VAV1: variants seen among roughly 807,000 people sequenced by gnomAD.
The protein encoded by VAV1 is vav guanine nucleotide exchange factor 1.
Under a neutral mutation model 128.1 loss-of-function variants are expected in VAV1, and 33 were observed. The ratio of observed to expected loss-of-function variants is 0.26; its 90% CI spans 0.20 to 0.34. The LOEUF is 0.34. Among genes scored for constraint, VAV1 ranks in the 10% least tolerant of loss-of-function variants. The pLI, the probability that VAV1 is intolerant of heterozygous loss-of-function variation, is 1.00. For synonymous variants in VAV1, 394 were observed against 409.8 expected (o/e 0.96, Z 0.47); for missense variants, 715 against 1,093.7 (o/e 0.65, Z 4.88).
intron 14 of VAV1, 49 bp downstream of exon 14, chr19:6,829,967 T>G (rs1335819561): frequency 6.2e-7 from 1 of 1,611,452 alleles, no homozygotes; most frequent in Admixed American, 1.7e-5. Context: ...AGTCGGCAGC[T>G]TAGCCCTCTC....
At position 6,830,450 on chromosome 19, in the gene VAV1, G is replaced by C. The variant is rs568884770; in HGVS notation, c.1398+532G>C. Among the ~76,000 whole-genome samples, 139 of 152,048 alleles carry C rather than the reference G, an allele frequency of 9.1e-4. 1 individual carries two copies. Among genetic ancestry groups the C allele is most frequent in the Non-Finnish European group, 1.6e-3 (107 of 67,982 alleles). Reference sequence around the variant, plus strand: ...GAATTTTCATTTTGTTTGTTTGTTGGTTTGTTTTTGAGACAGTCTCACTCT... The same window carrying C: ...GAATTTTCATTTTGTTTGTTTGTTGCTTTGTTTTTGAGACAGTCTCACTCT... On this transcript the variant is annotated intron_variant, in intron 14 of 26. Coordinates refer to ENST00000602142, the MANE Select transcript of VAV1 (RefSeq NM_005428.4).
chr19:6,845,584 G>A (rs1283952579), intron 22 of VAV1, among the ~76,000 whole-genome samples: 6 of 150,714 alleles, frequency 4.0e-5, no homozygotes, highest in Middle Eastern at 3.7e-3. Flanking sequence ...CATTTATATT[G>A]TGTATTTATG....
chr19:6,853,914 G>C (rs761213303), intron 25 of VAV1, 33 bp from the exon 26 acceptor site: 20 of 1,599,556 alleles, frequency 1.3e-5, no homozygotes, highest in Middle Eastern at 1.7e-4. Context: ...ATCTGCCCCA[G>C]ACCCTTTTCT....
In VAV1 at chr19:6,833,519, G is replaced by A. The variant is rs1350434452; in HGVS notation, c.1611-9G>A. On this transcript the variant is annotated splice_polypyrimidine_tract_variant and intron_variant, in intron 16 of 26. Coordinates refer to ENST00000602142, the MANE Select transcript of VAV1 (RefSeq NM_005428.4). The stretch of plus-strand genomic sequence containing the variant: ...ACTCGCTCTTCTTTATGTGTTCCCT[G>A]CATCTCAGAGGTACCTTCTATCAGG... 1.9e-6 allele frequency: 3 copies of A among 1,590,574 alleles called. No homozygotes were observed. The Admixed American group carries it at 5.3e-5, about 28-fold the overall frequency.
intron 1 of VAV1, among the ~76,000 whole-genome samples, chr19:6,796,092 C>T (rs1416887588): frequency 6.6e-6 from 1 of 152,124 alleles, no homozygotes; most frequent in African/African-American, 2.4e-5. Flanking sequence ...AGAGATATAC[C>T]CTGGTGATCT....
chr19:6,784,637 G>A (rs1229616754), intron 1 of VAV1, among the ~76,000 whole-genome samples: 1 of 152,002 alleles, frequency 6.6e-6, no homozygotes, highest in African/African-American at 2.4e-5. Flanking sequence ...GGGATTACAG[G>A]CAAGTGCCAC....
Position 6,809,003 on chromosome 19 carries a change from C to T in VAV1, c.205-11699C>T, listed in dbSNP as rs537561929. On this transcript the variant is annotated intron_variant, in intron 1 of 26. Coordinates refer to ENST00000602142, the MANE Select transcript of VAV1 (RefSeq NM_005428.4). Reference sequence around the variant, plus strand: ...TCCAAGAAAGCAACAGGAGAAGTTGCAAAGCCTCTATGGGCTAAAGCGAGC... The same window carrying T: ...TCCAAGAAAGCAACAGGAGAAGTTGTAAAGCCTCTATGGGCTAAAGCGAGC... 2.4e-4 allele frequency among the ~76,000 whole-genome samples: 36 copies of T among 151,774 alleles called. 1 individual carries two copies. The South Asian group carries it at 7.1e-3, about 30-fold the overall frequency.
intron 1 of VAV1, among the ~76,000 whole-genome samples, chr19:6,808,181 A>G (rs144416555): frequency 0.014 from 2,133 of 151,746 alleles, 45 homozygotes; most frequent in East Asian, 0.05. Flanking sequence ...GTGTGGTGGC[A>G]GGTGCCTGTA....
chr19:6,828,043 C>T lies in VAV1; in HGVS notation c.928-33C>T. On this transcript the variant is annotated intron_variant, in intron 9 of 26. Transcript: ENST00000602142. This position sits in a 1 kb window ranked among gnomAD's most constrained non-coding sequence, Gnocchi z 4.5. ...TGCAACTGGCTGTTTCTGGGACCTG[C>T]CTCAGTTTCCCCATTGTTCTCTGAT... is the stretch of plus-strand genomic sequence containing the variant. 1.9e-6 allele frequency: 3 copies of T among 1,601,704 alleles called. No homozygotes were observed. The African/African-American group carries it at 4.0e-5, about 21-fold the overall frequency.
In VAV1 at chr19:6,793,549, T is replaced by C. The variant is rs1454113675; in HGVS notation, c.204+20538T>C. ...CCTCACAGACCCAGTGCTTATATAG[T>C]ACAGGAAAATGTGCAGGACCCAGTG... On this transcript the variant is annotated intron_variant, in intron 1 of 26. Coordinates refer to ENST00000602142, the MANE Select transcript of VAV1 (RefSeq NM_005428.4). 2.6e-5 allele frequency among the ~76,000 whole-genome samples: 4 copies of C among 151,784 alleles called. No homozygotes were observed. In the East Asian group the frequency reaches 7.7e-4, roughly 29 times the overall value.
intron 1 of VAV1, among the ~76,000 whole-genome samples, chr19:6,797,938 T>TA (rs567691544): frequency 1.3e-3 from 191 of 142,798 alleles, no homozygotes; most frequent in South Asian, 2.2e-3. Context: ...CCTGCTGACT[T>TA]AAAAAAAAAA....
At position 6,828,181 on chromosome 19, in the gene VAV1, A is replaced by G. The variant is rs776845862; in HGVS notation, c.1023+10A>G. 5 of 1,613,798 alleles carry G rather than the reference A, an allele frequency of 3.1e-6. No homozygotes were observed. Among genetic ancestry groups the G allele is most frequent in the Non-Finnish European group, 4.2e-6 (5 of 1,179,934 alleles). ...TCACCTCCTTCTCCAGGTGCCAGGC[A>G]CATCTCTAGGCGTGGGCTCCACGTA... On this transcript the variant is annotated intron_variant, in intron 10 of 26. Transcript: ENST00000602142. This position sits in a 1 kb window ranked among gnomAD's most constrained non-coding sequence, Gnocchi z 4.5.
rs1041266559 is a variant in VAV1 at position 6,822,555 on chromosome 19, G to C, written c.654+41G>C. 2 of 1,530,562 alleles carry C rather than the reference G, an allele frequency of 1.3e-6. No homozygotes were observed. Among genetic ancestry groups the C allele is most frequent in the Admixed American group, 3.9e-5 (2 of 50,678 alleles). The allele number at this position is 1,530,562 out of a possible 1,614,324, so 94.8% of individuals were successfully genotyped here. On this transcript the variant is annotated intron_variant, in intron 6 of 26. Transcript: ENST00000602142. This position sits in a 1 kb window ranked among gnomAD's most constrained non-coding sequence, Gnocchi z 5.9. ...CCAGCGCCTGCCGGGCGCATGCGCG[G>C]GAGCTGGGCCGGCAGGTGCACGTCC...
Position 6,833,622 on chromosome 19 carries a change from C to A in VAV1, c.1705C>A (p.Gln569Lys). 2 of 1,613,864 alleles carry A rather than the reference C, an allele frequency of 1.2e-6. No homozygotes were observed. ...GRVPPCGRHG[Q>K]DFPGTMKKDK... is the part of the protein sequence containing the mutation. The stretch of plus-strand genomic sequence containing the variant: ...GGTCCCTCCATGTGGCCGACATGGG[C>A]AAGGTACGAGTGGGAGGGAGGCTGG... The change falls in exon 17 of 27, where the codon CAA (glutamine) becomes AAA (lysine). Residue 569 changes from glutamine to lysine, a missense_variant. Gln to Lys is a moderately conservative substitution (Grantham distance 53). Coordinates refer to ENST00000602142, the MANE Select transcript of VAV1 (RefSeq NM_005428.4).
chr19:6,818,744 C>T lies in VAV1; in HGVS notation c.205-1958C>T, dbSNP rs114116694. ...CTAGGGTGCAGGCAGGGCAAGACCA[C>T]GTCACAGTGCAGGGAGAAGGTGGCT... is the stretch of plus-strand genomic sequence containing the variant. On this transcript the variant is annotated intron_variant, in intron 1 of 26. Transcript: ENST00000602142. 2.7e-3 allele frequency among the ~76,000 whole-genome samples: 407 copies of T among 152,208 alleles called. 2 individuals are homozygous for T. Among genetic ancestry groups the T allele is most frequent in the African/African-American group, 9.1e-3 (378 of 41,514 alleles).
chr19:6,809,830 G>C (rs1971477335), intron 1 of VAV1, among the ~76,000 whole-genome samples: 1 of 151,968 alleles, frequency 6.6e-6, no homozygotes, highest in South Asian at 2.1e-4. Flanking sequence ...TTTGGATGTA[G>C]AATCTGAATA....
At chr19:6,821,753 C>G in intron 3 of VAV1, 38 bp from the exon 4 acceptor site, 1 of 1,612,996 alleles carries the variant, frequency 6.2e-7, no homozygotes, top group South Asian at 1.1e-5. Context: ...TTCTACCCAG[C>G]CCCCAGGCCC....
chr19:6,778,732 C>CAA (rs1467514523), intron 1 of VAV1, among the ~76,000 whole-genome samples: 1 of 151,312 alleles, frequency 6.6e-6, no homozygotes, highest in African/African-American at 2.4e-5. Flanking sequence ...TCTCAAAAAA[C>CAA]AAAACAAAAC....
chr19:6,841,144 G>A (rs1333396339), intron 21 of VAV1, among the ~76,000 whole-genome samples: 1 of 151,724 alleles, frequency 6.6e-6, no homozygotes, highest in Non-Finnish European at 1.5e-5. Context: ...CGAACTCCTG[G>A]GCTCAAGAGA....
Sources: allele counts gnomAD v4.1 joint callset (sites outside exome capture counted in the v4.1 genomes callset), GRCh38; gene constraint gnomAD v4.1.1; non-coding constraint Gnocchi (gnomAD v3.1); transcripts MANE v1.5; gene names NCBI Gene and HGNC (gene_info 2026-07-23, HGNC 2026-07-21).